Variants in UGT3A1 observed in about 807,000 individuals in gnomAD.
UGT3A1 encodes the protein UDP-glycosyltransferase 3A1.
In UGT3A1, 40 loss-of-function variants were observed where a neutral mutation model predicts 37.6. The ratio of observed to expected loss-of-function variants is 1.06; its 90% CI spans 0.83 to 1.38. The LOEUF is 1.38. Ranked by LOEUF, UGT3A1 falls within the 40% of genes most tolerant of loss-of-function variation. The pLI is 0.00. For synonymous variants in UGT3A1, 256 were observed against 232.3 expected (o/e 1.10, Z -0.93); for missense variants, 642 against 634.2 (o/e 1.01, Z -0.13).
intron 4 of UGT3A1, chr5:35,962,963 G>C (rs1447268844): frequency 1.4e-6 from 1 of 702,558 alleles, no homozygotes; most frequent in Non-Finnish European, 2.6e-6. Context: ...TGAAAGACAG[G>C]GAAATAGAGG....
In UGT3A1 at chr5:35,968,046, C is replaced by G. The variant is rs995519487; in HGVS notation, c.284G>C (p.Ser95Thr). 6.2e-6 allele frequency: 10 copies of G among 1,612,704 alleles called. No homozygotes were observed. The highest frequency in any genetic ancestry group is 8.5e-6 in the Non-Finnish European group (10 of 1,179,696). Residue 95 changes from serine (S) to threonine (T), a missense_variant, in exon 3 of 7, where the codon AGC becomes ACC. Physicochemically the swap from Ser to Thr is moderately conservative, Grantham distance 58. Transcript: ENST00000274278. ...HQKRIKKHFDSYIETALDGRK... is the reference protein window; with the variant it reads ...HQKRIKKHFDTYIETALDGRK... Reference sequence around the variant, plus strand: ...GCCATCCAATGCTGTTTCTATGTAGCTATCAAAATGCTTCTTAATTCTTTT... The same window carrying G: ...GCCATCCAATGCTGTTTCTATGTAGGTATCAAAATGCTTCTTAATTCTTTT...
intron 4 of UGT3A1, among the ~76,000 whole-genome samples, chr5:35,958,649 A>G (rs1739453183): frequency 1.3e-5 from 2 of 152,248 alleles, no homozygotes; most frequent in South Asian, 2.1e-4. Context: ...AAACCAGTCA[A>G]AGATACACAG....
At chr5:35,977,758 C>T (rs1232305866) in intron 2 of UGT3A1, among the ~76,000 whole-genome samples, 1 of 152,162 alleles carries the variant, frequency 6.6e-6, no homozygotes, top group African/African-American at 2.4e-5. Context: ...GTGAAATGAA[C>T]TAATACAATA....
rs942538766 is a variant in UGT3A1 at position 35,968,081 on chromosome 5, T to C, written c.249A>G (p.Glu83=). The stretch of plus-strand genomic sequence containing the variant: ...GCTTCTTAATTCTTTTTTGATGATC[T>C]TCAGGTGAAAACCACCTGATAACTT... ...SYQVIRWFSP[E]DHQKRIKKHF... The change falls in exon 3 of 7, where the codon GAA becomes GAG. Residue 83 remains glutamate (E), a synonymous_variant. Transcript: ENST00000274278. 6.2e-7 allele frequency: 1 copy of C among 1,613,120 alleles called. No homozygotes were observed. The highest frequency in any genetic ancestry group is 8.5e-7 in the Non-Finnish European group (1 of 1,179,794).
In UGT3A1 at chr5:35,988,447, T is replaced by C. The variant is rs1740808713; in HGVS notation, c.196+3A>G. On this transcript the variant is annotated splice_donor_region_variant and intron_variant, in intron 2 of 6. Coordinates refer to ENST00000274278, the MANE Select transcript of UGT3A1 (RefSeq NM_152404.4). ...TATAAAAATTAGTTTTTAAAAAAGA[T>C]ACCTGGGATCAAAAACTTTCCACTC... The C allele has an allele frequency of 6.3e-7, 1 of 1,592,748 alleles. No homozygotes were observed. Among genetic ancestry groups the C allele is most frequent in the African/African-American group, 1.4e-5 (1 of 73,462 alleles).
Position 35,968,020 on chromosome 5 carries a change from T to C in UGT3A1, c.310A>G (p.Arg104Gly), listed in dbSNP as rs148646378. Residue 104 changes from arginine to glycine, a missense_variant and splice_region_variant, in exon 3 of 7, where the codon AGA (arginine) becomes GGA (glycine). By Grantham distance (125) the Arg-to-Gly change is moderately radical. Transcript: ENST00000274278. The stretch of plus-strand genomic sequence containing the variant: ...CTTCATAGAATGAAAAGAAGTTACC[T>C]GCCATCCAATGCTGTTTCTATGTAG... ...DSYIETALDG[R>G]KESEALVKLM... The C allele has an allele frequency of 6.8e-5, 109 of 1,609,020 alleles. No individual in the cohort carries two copies. The highest frequency in any genetic ancestry group is 3.3e-4 in the Middle Eastern group (2 of 6,052).
At chr5:35,992,519 T>C (rs16902679), upstream of UGT3A1, among the ~76,000 whole-genome samples, 107,670 of 152,098 alleles carry the variant, frequency 0.71, 39,827 homozygotes, top group South Asian at 0.84. Context: ...CTATCAAGCT[T>C]CAAGCTCTTC....
intron 2 of UGT3A1, among the ~76,000 whole-genome samples, chr5:35,976,577 T>C (rs937752507): frequency 2.6e-5 from 4 of 152,134 alleles, no homozygotes; most frequent in African/African-American, 9.7e-5. Context: ...TAGTAGCTCA[T>C]GTCTGTAATC....
chr5:35,955,978 G>T, intron 5 of UGT3A1, 114 bp from the exon 6 acceptor site: 2 of 1,068,072 alleles, frequency 1.9e-6, no homozygotes, highest in Non-Finnish European at 2.7e-6. Flanking sequence ...TTGAGAAAAT[G>T]AATTCACTGA....
At chr5:35,985,244 G>C (rs998491995) in intron 2 of UGT3A1, among the ~76,000 whole-genome samples, 5 of 151,814 alleles carry the variant, frequency 3.3e-5, no homozygotes, top group Non-Finnish European at 4.4e-5. Flanking sequence ...CCTTGTTCAT[G>C]GACTAGAAGA....
rs1739777977 is a variant in UGT3A1, at chr5:35,965,697, G to A, written c.532C>T (p.Pro178Ser). The stretch of plus-strand genomic sequence containing the variant: ...ACTGGAACATAAGACAAGGGGCTTG[G>A]TAGCCCAAAATCCAAAGAGCCGAAT... ...TTFGSLDFGL[P>S]SPLSYVPVFP... Residue 178 changes from proline (P) to serine (S), a missense_variant, in exon 4 of 7, where the codon CCA becomes TCA. Transcript: ENST00000274278. 1 of 1,614,148 alleles carries A rather than the reference G, an allele frequency of 6.2e-7. No homozygotes were observed. The highest frequency in any genetic ancestry group is 1.1e-5 in the South Asian group (1 of 91,082).
upstream of UGT3A1, chr5:35,991,424 G>C: frequency 6.9e-7 from 1 of 1,445,500 alleles, no homozygotes; most frequent in Non-Finnish European, 9.1e-7. Context: ...CTCCTCCCTG[G>C]GTGCATGCTC....
intron 5 of UGT3A1, among the ~76,000 whole-genome samples, chr5:35,956,275 T>C (rs1008915766): frequency 2.0e-5 from 3 of 152,242 alleles, no homozygotes; most frequent in Admixed American, 2.0e-4. Context: ...TAATAAACCA[T>C]ACACTTCTAC....
chr5:35,998,160 T>C (rs377485355), intron 1 of UGT3A1, among the ~76,000 whole-genome samples: 15 of 149,000 alleles, frequency 1.0e-4, no homozygotes, highest in African/African-American at 3.6e-4. Flanking sequence ...AAGGAAATTC[T>C]AACTGATGCC....
rs999327125 is a variant in UGT3A1, at chr5:35,966,944, T to A, written c.312-1027A>T. ...TGAAATTATCCACTATTTCATTTTT[T>A]AAAAAAAATTTTACATAAAGAATGA... is the stretch of plus-strand genomic sequence containing the variant. On this transcript the variant is annotated intron_variant, in intron 3 of 6. Coordinates refer to ENST00000274278, the MANE Select transcript of UGT3A1 (RefSeq NM_152404.4). Among the ~76,000 whole-genome samples the A allele has an allele frequency of 3.3e-5, 5 of 152,222 alleles. No individual in the cohort carries two copies. In the East Asian group the frequency reaches 5.8e-4, roughly 18 times the overall value.
upstream of UGT3A1, among the ~76,000 whole-genome samples, chr5:35,993,224 T>G (rs988212922): frequency 3.9e-5 from 6 of 152,076 alleles, no homozygotes; most frequent in African/African-American, 1.2e-4. Context: ...CCAGCACTTT[T>G]GGAGGCCAAG....
intron 2 of UGT3A1, among the ~76,000 whole-genome samples, 171 bp from the exon 3 acceptor site, chr5:35,968,304 G>A (rs531796294): frequency 6.6e-6 from 1 of 152,214 alleles, no homozygotes; most frequent in East Asian, 1.9e-4. Flanking sequence ...TGCACAACCT[G>A]ATAATATTGA....
intron 4 of UGT3A1, chr5:35,962,168 G>A (rs1739612302): frequency 1.3e-5 from 2 of 152,270 alleles, no homozygotes. Context: ...CTGCTTCTCA[G>A]TGTTCATCAG....
intron 2 of UGT3A1, among the ~76,000 whole-genome samples, chr5:35,969,549 G>A (rs532333454): frequency 6.6e-6 from 1 of 152,282 alleles, no homozygotes; most frequent in African/African-American, 2.4e-5. Context: ...TTAGTCAAAA[G>A]GGGTGGGGAG....
Sources: gnomAD v4.1 joint callset for allele counts (sites outside exome capture counted in the v4.1 genomes callset) on GRCh38, gnomAD v4.1.1 for gene constraint, MANE v1.5 for transcripts, NCBI Gene and HGNC (gene_info 2026-07-23, HGNC 2026-07-21) for gene names.